FOXL3: variants seen among roughly 807,000 people sequenced by gnomAD.
FOXL3 encodes forkhead box L3.
In FOXL3, 16 loss-of-function variants were observed where a neutral mutation model predicts 10.9. The ratio of observed to expected loss-of-function variants is 1.46; its 90% CI spans 0.99 to 2.22. FOXL3 has a LOEUF of 2.22. FOXL3 is among the 30% of genes most tolerant of loss of function. The probability of loss-of-function intolerance (pLI) is 0.00; values close to 1 mark genes in which losing one functional copy is unlikely to be tolerated. For synonymous variants in FOXL3, 170 were observed against 152.0 expected (o/e 1.12, Z -0.87); for missense variants, 400 against 337.9 (o/e 1.18, Z -1.44).
Position 291,198 on chromosome 7 carries a change from G to A in FOXL3, c.412G>A (p.Gly138Arg), listed in dbSNP as rs1042475790. 7 of 1,188,040 alleles carry A rather than the reference G, an allele frequency of 5.9e-6. No individual in the cohort carries two copies. Among genetic ancestry groups the A allele is most frequent in the Middle Eastern group, 2.3e-4 (1 of 4,294 alleles). 73.6% of individuals were successfully genotyped at this position (1,188,040 alleles called of 1,614,324 possible). A position where few individuals can be genotyped will look rare whatever the true frequency, so the allele number is the denominator to read the frequency against. ...RRRRRGPKRE[G>R]PRGPRAGGAQ... ...GCGGCGGCGCGGCCCCAAGCGCGAG[G>A]GGCCGAGGGGTCCGCGCGCGGGGGG... Residue 138 changes from glycine to arginine, a missense_variant, in exon 3 of 3, where the codon GGG becomes AGG. Transcript: ENST00000506382.
chr7:291,131 G>T lies in FOXL3; in HGVS notation c.345G>T (p.Ser115=). The part of the protein sequence containing the change: ...NYWTFAGGCE[S]LLDLFENGNY... ...GGACGTTCGCGGGCGGCTGCGAGTC[G>T]CTGCTGGACCTCTTCGAGAACGGCA... The change falls in exon 3 of 3, where the codon TCG becomes TCT. Residue 115 remains serine (S), a synonymous_variant. Transcript: ENST00000506382. 2 of 1,393,448 alleles carry T rather than the reference G, an allele frequency of 1.4e-6. No individual in the cohort carries two copies. Among genetic ancestry groups the T allele is most frequent in the South Asian group, 2.9e-5 (2 of 69,278 alleles). The allele number at this position is 1,393,448 out of a possible 1,614,324, so 86.3% of individuals were successfully genotyped here. A position where few individuals can be genotyped will look rare whatever the true frequency, so the allele number is the denominator to read the frequency against.
In FOXL3 at chr7:291,114, GC is replaced by G; in HGVS notation, c.329del (p.Ala110GlyfsTer?). 1 of 1,415,884 alleles carries G rather than the reference GC, an allele frequency of 7.1e-7. No individual in the cohort carries two copies. Among genetic ancestry groups the G allele is most frequent in the Non-Finnish European group, 9.2e-7 (1 of 1,085,960 alleles). The allele number at this position is 1,415,884 out of a possible 1,614,324, so 87.7% of individuals were successfully genotyped here. On this transcript the variant is annotated frameshift_variant, in exon 3 of 3. Coordinates refer to ENST00000506382, the MANE Select transcript of FOXL3 (RefSeq NM_001374838.1). LOFTEE classifies it low-confidence loss of function (END_TRUNC). ...GGGCAAAGGCAACTACTGGACGTTC[GC>G]GGGCGGCTGCGAGTCGCTGCTGGAC... Reference protein sequence around the residue: ...EKGKGNYWTFAGGCESLLDLF... With the variant: ...EKGKGNYWTFXGGCESLLDLF...
At position 290,176 on chromosome 7, in the gene FOXL3, G is replaced by C. The variant is rs1237193541; in HGVS notation, c.7G>C (p.Asp3His). Residue 3 changes from aspartate (D) to histidine (H), a missense_variant, in exon 1 of 3, where the codon GAC becomes CAC. Asp to His is a moderately conservative substitution (Grantham distance 81, BLOSUM62 -1). Coordinates refer to ENST00000506382, the MANE Select transcript of FOXL3 (RefSeq NM_001374838.1). ...AAGCGCCGAGCGCGCCAGGATGTTT[G>C]ACAGCTCGCAGTATCCCTACAACTG... MF[D>H]SSQYPYNCFN... is the part of the protein sequence containing the mutation. 6.5e-7 allele frequency: 1 copy of C among 1,535,246 alleles called. No homozygotes were observed. Among genetic ancestry groups the C allele is most frequent in the African/African-American group, 1.4e-5 (1 of 73,176 alleles).
intron 2 of FOXL3, 95 bp downstream of exon 2, chr7:290,916 T>G (rs4077171): frequency 0.8 from 1,043,434 of 1,300,766 alleles, 424,488 homozygotes; most frequent in Non-Finnish European, 0.83. Context: ...CGCGGCGGCT[T>G]CAGGGAGGTC....
At chr7:290,882 T>C in intron 2 of FOXL3, 61 bp downstream of exon 2, 2 of 1,333,122 alleles carry the variant, frequency 1.5e-6, no homozygotes, top group Non-Finnish European at 1.9e-6. Context: ...CGCCAGGGCC[T>C]CGGTGGCGGG....
In FOXL3 at chr7:291,265, A is replaced by G; in HGVS notation, c.479A>G (p.Gln160Arg). Residue 160 changes from glutamine (Q) to arginine (R), a missense_variant, in exon 3 of 3, where the codon CAG becomes CGG. Physicochemically the swap from Gln to Arg is conservative, Grantham distance 43. Transcript: ENST00000506382. Reference sequence around the variant, plus strand: ...GGTCCGTCCGAGCCGCCCGCCGCTCAGGGGCGCCTGGCCCCGGACAGCGCT... The same window carrying G: ...GGTCCGTCCGAGCCGCCCGCCGCTCGGGGGCGCCTGGCCCCGGACAGCGCT... ...PSGPSEPPAA[Q>R]GRLAPDSAGE... 8.4e-7 allele frequency: 1 copy of G among 1,195,954 alleles called. No homozygotes were observed. The highest frequency in any genetic ancestry group is 1.0e-6 in the Non-Finnish European group (1 of 964,546). The allele number at this position is 1,195,954 out of a possible 1,614,324, so 74.1% of individuals were successfully genotyped here.
intron 2 of FOXL3, 41 bp downstream of exon 2, chr7:290,862 G>C (rs751600064): frequency 2.2e-6 from 3 of 1,349,584 alleles, no homozygotes; most frequent in Non-Finnish European, 2.8e-6. Flanking sequence ...TCCCAGCGTG[G>C]CGACACCTGC....
At position 291,055 on chromosome 7, in the gene FOXL3, G is replaced by A; in HGVS notation, c.277-8G>A. 1.4e-6 allele frequency: 2 copies of A among 1,381,320 alleles called. No individual in the cohort carries two copies. The highest frequency in any genetic ancestry group is 9.3e-7 in the Non-Finnish European group (1 of 1,070,636). The allele number at this position is 1,381,320 out of a possible 1,614,324, so 85.6% of individuals were successfully genotyped here. A position where few individuals can be genotyped will look rare whatever the true frequency, so the allele number is the denominator to read the frequency against. On this transcript the variant is annotated splice_region_variant and splice_polypyrimidine_tract_variant and intron_variant, in intron 2 of 2. Transcript: ENST00000506382. Reference sequence around the variant, plus strand: ...AGCCGCTCCCAGCCCCTCCCTCCGCGCGCGCAGGTGCCGCGGTCCGAGGGC... The same window carrying A: ...AGCCGCTCCCAGCCCCTCCCTCCGCACGCGCAGGTGCCGCGGTCCGAGGGC...
rs959646435 is a variant in FOXL3 at position 291,051 on chromosome 7, C to T, written c.277-12C>T. The T allele has an allele frequency of 5.8e-6, 8 of 1,378,964 alleles. No homozygotes were observed. The African/African-American group carries it at 1.1e-4, about 18-fold the overall frequency. 85.4% of individuals were successfully genotyped at this position (1,378,964 alleles called of 1,614,324 possible). A position where few individuals can be genotyped will look rare whatever the true frequency, so the allele number is the denominator to read the frequency against. On this transcript the variant is annotated splice_polypyrimidine_tract_variant and intron_variant, in intron 2 of 2. Coordinates refer to ENST00000506382, the MANE Select transcript of FOXL3 (RefSeq NM_001374838.1). The stretch of plus-strand genomic sequence containing the variant: ...GCGGAGCCGCTCCCAGCCCCTCCCT[C>T]CGCGCGCGCAGGTGCCGCGGTCCGA...
intron 2 of FOXL3, 120 bp downstream of exon 2, chr7:290,941 G>A: frequency 7.8e-7 from 1 of 1,278,580 alleles, no homozygotes; most frequent in Non-Finnish European, 9.9e-7. Flanking sequence ...CTCAGCCCAC[G>A]GGGCCGCCTC....
chr7:290,919 G>C (rs1320275839), intron 2 of FOXL3, 98 bp downstream of exon 2: 8 of 1,301,478 alleles, frequency 6.1e-6, no homozygotes, highest in Non-Finnish European at 6.9e-6. Context: ...GGCGGCTTCA[G>C]GGAGGTCCGT....
intron 1 of FOXL3, 27 bp downstream of exon 1, chr7:290,303 T>C (rs1184780683): frequency 5.3e-6 from 8 of 1,510,824 alleles, no homozygotes; most frequent in Non-Finnish European, 7.1e-6. Context: ...TGCTGGGGCT[T>C]TGGGGGACAG....
In FOXL3 at chr7:291,326, C is replaced by A; in HGVS notation, c.540C>A (p.Ser180Arg). ...CCCCGGGCCGTGAGCCCCCCGCCAG[C>A]CCCGCTCCCCCGGGGAAGGAGCACC... ...EGAPGREPPA[S>R]PAPPGKEHPR... The change falls in exon 3 of 3, where the codon AGC becomes AGA. Residue 180 changes from serine (S) to arginine (R), a missense_variant. Transcript: ENST00000506382. 7.9e-7 allele frequency: 1 copy of A among 1,270,102 alleles called. No individual in the cohort carries two copies. Among genetic ancestry groups the A allele is most frequent in the African/African-American group, 1.5e-5 (1 of 64,860 alleles). The allele number at this position is 1,270,102 out of a possible 1,614,324, so 78.7% of individuals were successfully genotyped here.
chr7:290,288 G>A lies in FOXL3; in HGVS notation c.107+12G>A, dbSNP rs757530897. ...CGGCCCGCGTACAGGTGACTGCGGG[G>A]GCGGTGCTGGGGCTTTGGGGGACAG... On this transcript the variant is annotated intron_variant, in intron 1 of 2. Transcript: ENST00000506382. 1.2e-5 allele frequency: 18 copies of A among 1,531,414 alleles called. No individual in the cohort carries two copies. The South Asian group carries it at 1.7e-4, about 14-fold the overall frequency. The allele number at this position is 1,531,414 out of a possible 1,614,324, so 94.9% of individuals were successfully genotyped here.
intron 1 of FOXL3, 42 bp downstream of exon 1, chr7:290,318 AC>A: frequency 2.1e-6 from 3 of 1,439,448 alleles, no homozygotes; most frequent in Non-Finnish European, 2.8e-6. Flanking sequence ...GGACAGTGAC[AC>A]CCCCTGCAAG....
In FOXL3 at chr7:291,138, G is replaced by C; in HGVS notation, c.352G>C (p.Asp118His). The stretch of plus-strand genomic sequence containing the variant: ...CGCGGGCGGCTGCGAGTCGCTGCTG[G>C]ACCTCTTCGAGAACGGCAACTACCG... ...TFAGGCESLL[D>H]LFENGNYRRR... The change falls in exon 3 of 3, where the codon GAC (aspartate) becomes CAC (histidine). Residue 118 changes from aspartate to histidine, a missense_variant. By Grantham distance (81) the Asp-to-His change is moderately conservative. Transcript: ENST00000506382. The C allele has an allele frequency of 1.5e-6, 2 of 1,356,144 alleles. No homozygotes were observed. The highest frequency in any genetic ancestry group is 9.5e-7 in the Non-Finnish European group (1 of 1,050,864). 84.0% of individuals were successfully genotyped at this position (1,356,144 alleles called of 1,614,324 possible).
At chr7:290,627 C>T (rs1316924127) in intron 1 of FOXL3, 26 bp from the exon 2 acceptor site, 38 of 1,409,308 alleles carry the variant, frequency 2.7e-5, no homozygotes, top group Non-Finnish European at 3.4e-5. Flanking sequence ...CCGGTGGAGA[C>T]CCCGCCTGAC....
rs1778610698 is a variant in FOXL3 at position 290,258 on chromosome 7, T to TC, written c.90dup (p.Thr31HisfsTer146). 6.5e-7 allele frequency: 1 copy of TC among 1,535,872 alleles called. No individual in the cohort carries two copies. The highest frequency in any genetic ancestry group is 1.7e-4 in the Middle Eastern group (1 of 5,990). ...GGCAGCTCCGACGAAGACAAGAGGC[T>TC]CACGCGGCCCGCGTACAGGTGACTG... On this transcript the variant is annotated frameshift_variant, in exon 1 of 3. Coordinates refer to ENST00000506382, the MANE Select transcript of FOXL3 (RefSeq NM_001374838.1). LOFTEE classifies it high-confidence loss of function.
Position 291,194 on chromosome 7 carries a change from C to G in FOXL3, c.408C>G (p.Arg136=). The change falls in exon 3 of 3, where the codon CGC becomes CGG. Residue 136 remains arginine (R), a synonymous_variant. Transcript: ENST00000506382. ...GGCGGCGGCGGCGCGGCCCCAAGCG[C>G]GAGGGGCCGAGGGGTCCGCGCGCGG... is the stretch of plus-strand genomic sequence containing the variant. ...RRRRRRRGPK[R]EGPRGPRAGG... 3.4e-6 allele frequency: 4 copies of G among 1,187,440 alleles called. No individual in the cohort carries two copies. The highest frequency in any genetic ancestry group is 4.2e-6 in the Non-Finnish European group (4 of 960,982). The allele number at this position is 1,187,440 out of a possible 1,614,324, so 73.6% of individuals were successfully genotyped here. A position where few individuals can be genotyped will look rare whatever the true frequency, so the allele number is the denominator to read the frequency against.
Sources: allele counts gnomAD v4.1 joint callset, GRCh38; gene constraint gnomAD v4.1.1; transcripts MANE v1.5; gene names NCBI Gene and HGNC (gene_info 2026-07-23, HGNC 2026-07-21).